PCDH15: variants seen among roughly 807,000 people sequenced by gnomAD.
PCDH15 encodes protocadherin related 15.
In PCDH15, 129 loss-of-function variants were observed where a neutral mutation model predicts 178.5. That is an observed-to-expected ratio of 0.72 (90% CI 0.63 to 0.84). PCDH15 has a LOEUF of 0.84. PCDH15 is among the 40% of genes least tolerant of loss of function. The pLI is 0.00. For synonymous variants in PCDH15, 800 were observed against 732.0 expected, an observed-to-expected ratio of 1.09 and a Z score of -1.50; for missense variants, 2,230 against 2,099.9, an observed-to-expected ratio of 1.06 and a Z score of -1.21.
At chr10:54,647,371 G>A (rs141632531) in intron 2 of PCDH15, among the ~76,000 whole-genome samples, 8 of 152,176 alleles carry the variant, frequency 5.3e-5, no homozygotes, top group African/African-American at 1.2e-4. Context: ...GAGAGTGGGA[G>A]AAGTGAGAAT....
intron 3 of PCDH15, 127 bp from the exon 4 acceptor site, chr10:54,379,069 T>C: frequency 1.0e-6 from 1 of 959,172 alleles, no homozygotes; most frequent in Non-Finnish European, 1.7e-6. Flanking sequence ...ACTGTATATC[T>C]AGCATAAGAC....
At chr10:54,599,714 G>C (rs145150601) in intron 2 of PCDH15, 2 of 457,958 alleles carry the variant, frequency 4.4e-6, no homozygotes, top group African/African-American at 4.1e-5. Context: ...GAAGTTAATG[G>C]AAAGAAAGAA....
intron 2 of PCDH15, among the ~76,000 whole-genome samples, chr10:55,057,725 G>A (rs11004711): frequency 0.062 from 9,359 of 152,146 alleles, 402 homozygotes; most frequent in African/African-American, 0.11. Context: ...AACTTAGACT[G>A]CTTTACTTTA....
intron 3 of PCDH15, among the ~76,000 whole-genome samples, chr10:54,887,938 A>C (rs934619456): frequency 2.0e-5 from 3 of 152,092 alleles, no homozygotes; most frequent in African/African-American, 7.2e-5. Flanking sequence ...TCCCACAATC[A>C]AAGTTTGGTA....
chr10:55,146,229 T>C (rs1024663780), intron 2 of PCDH15, among the ~76,000 whole-genome samples: 2 of 152,018 alleles, frequency 1.3e-5, no homozygotes, highest in African/African-American at 4.8e-5. Flanking sequence ...TTTCGCCAAA[T>C]GACTCATAAT....
intron 7 of PCDH15, among the ~76,000 whole-genome samples, chr10:54,320,059 T>C (rs1044485454): frequency 2.0e-5 from 3 of 152,050 alleles, no homozygotes; most frequent in African/African-American, 7.2e-5. Context: ...TTTTCAAAGT[T>C]TCGGAACTCA....
At chr10:54,209,688 G>T (rs2051200832) in intron 10 of PCDH15, among the ~76,000 whole-genome samples, 1 of 152,100 alleles carries the variant, frequency 6.6e-6, no homozygotes, top group African/African-American at 2.4e-5. Context: ...GTAGGCATCA[G>T]AAGTAAAATA....
At chr10:55,492,736 G>A (rs147790619) in intron 2 of PCDH15, among the ~76,000 whole-genome samples, 48 of 151,812 alleles carry the variant, frequency 3.2e-4, no homozygotes, top group African/African-American at 1.0e-3. Flanking sequence ...TCAAACATTA[G>A]GTTCAGCAGA....
rs146891170 is a variant in PCDH15, at chr10:54,281,229, C to T, written c.876+36042G>A. On this transcript the variant is annotated intron_variant, in intron 8 of 37. Transcript: ENST00000644397. Reference sequence around the variant, plus strand: ...AAATTTAAATATCTTATCTTGGCAACGAACTTATAACCCTTAAAAACATTT... The same window carrying T: ...AAATTTAAATATCTTATCTTGGCAATGAACTTATAACCCTTAAAAACATTT... 1.1e-3 allele frequency among the ~76,000 whole-genome samples: 165 copies of T among 151,902 alleles called. 1 individual carries two copies. In the East Asian group the frequency reaches 0.013, roughly 12 times the overall value.
intron 19 of PCDH15, 67 bp from the exon 20 acceptor site, chr10:54,020,483 A>G (rs2092883564): frequency 6.9e-7 from 1 of 1,442,638 alleles, no homozygotes; most frequent in Non-Finnish European, 9.7e-7. Context: ...GGAAGGATGG[A>G]AGTCATGCGT....
intron 15 of PCDH15, among the ~76,000 whole-genome samples, chr10:54,114,237 C>T (rs796888885): frequency 1.8e-4 from 27 of 152,100 alleles, no homozygotes; most frequent in African/African-American, 6.0e-4. Context: ...ACCCTGAATC[C>T]GCCATTTCCT....
At position 54,527,838 on chromosome 10, in the gene PCDH15, A is replaced by G. The variant is rs750302536; in HGVS notation, c.131T>C (p.Val44Ala). The G allele has an allele frequency of 4.5e-5, 73 of 1,611,712 alleles. No individual in the cohort carries two copies. In the Middle Eastern group the frequency reaches 1.3e-3, roughly 29 times the overall value. ...ATTCCGACTTTCTTCATCAATAGCA[A>G]CTATGGTAGCTGGTGGTCCTCCCCT... is the stretch of plus-strand genomic sequence containing the variant. The part of the protein sequence containing the change: ...LARGGPPATI[V>A]AIDEESRNGT... Residue 44 changes from valine (V) to alanine (A), a missense_variant, in exon 3 of 38, where the codon GTT becomes GCT. Coordinates refer to ENST00000644397, the MANE Select transcript of PCDH15 (RefSeq NM_001384140.1).
intron 2 of PCDH15, among the ~76,000 whole-genome samples, chr10:54,972,169 C>T (rs1339344748): frequency 2.0e-5 from 3 of 152,190 alleles, no homozygotes; most frequent in Non-Finnish European, 2.9e-5. Context: ...AAATTATAAA[C>T]TTTTATGACT....
chr10:54,508,840 A>C (rs2081390019), intron 3 of PCDH15, among the ~76,000 whole-genome samples: 1 of 152,086 alleles, frequency 6.6e-6, no homozygotes, highest in Non-Finnish European at 1.5e-5. Flanking sequence ...TTGGGAAAAG[A>C]AGTGTTTCAG....
At chr10:54,998,235 GA>G in intron 2 of PCDH15, among the ~76,000 whole-genome samples, 1 of 152,016 alleles carries the variant, frequency 6.6e-6, no homozygotes, top group Admixed American at 6.6e-5. Context: ...GAATAAAACA[GA>G]AATTCCAAGT....
chr10:53,823,715 A>G (rs75082209), intron 32 of PCDH15: 7,995 of 465,812 alleles, frequency 0.017, 549 homozygotes, highest in African/African-American at 0.14. Flanking sequence ...AGTTCTTCCC[A>G]TTGCAGAACA....
intron 2 of PCDH15, among the ~76,000 whole-genome samples, chr10:55,620,488 C>T (rs1024246765): frequency 8.6e-5 from 13 of 151,840 alleles, no homozygotes; most frequent in Non-Finnish European, 1.6e-4. Context: ...GTTTCAGAAC[C>T]TTAAAGAGAG....
chr10:55,548,944 A>G (rs1841947238), intron 2 of PCDH15, among the ~76,000 whole-genome samples: 1 of 152,186 alleles, frequency 6.6e-6, no homozygotes, highest in Admixed American at 6.5e-5. Context: ...TAGAAAACAA[A>G]AGAATAATTT....
At chr10:54,179,040 C>A (rs1025105363) in intron 13 of PCDH15, among the ~76,000 whole-genome samples, 1 of 152,070 alleles carries the variant, frequency 6.6e-6, no homozygotes, top group Non-Finnish European at 1.5e-5. Flanking sequence ...ACTAGAAATA[C>A]CATTTGACCC....
Sources: allele counts gnomAD v4.1 joint callset (sites outside exome capture counted in the v4.1 genomes callset), GRCh38; gene constraint gnomAD v4.1.1; transcripts MANE v1.5; gene names NCBI Gene and HGNC (gene_info 2026-07-23, HGNC 2026-07-21).